The following TGFBR3 variants were observed in gnomAD, a reference collection of about 807,000 sequenced individuals.
TGFBR3 encodes transforming growth factor beta receptor type 3.
In TGFBR3, 46 loss-of-function variants were observed where a neutral mutation model predicts 87.9. The ratio of observed to expected loss-of-function variants is 0.52; its 90% CI spans 0.41 to 0.67. The LOEUF (loss-of-function observed/expected upper bound fraction) is 0.67, where lower values mean the gene tolerates loss of function less well. Ranked by LOEUF, TGFBR3 falls within the 30% of genes least tolerant of loss-of-function variation. The probability of loss-of-function intolerance (pLI) is 0.00; values close to 1 mark genes in which losing one functional copy is unlikely to be tolerated. For synonymous variants in TGFBR3, 381 were observed against 391.6 expected, an observed-to-expected ratio of 0.97 and a Z score of 0.32; for missense variants, 866 against 1,041.9, an observed-to-expected ratio of 0.83 and a Z score of 2.32.
At chr1:91,716,796 A>G in intron 10 of TGFBR3, 88 bp from the exon 11 acceptor site, 1 of 1,494,106 alleles carries the variant, frequency 6.7e-7, no homozygotes, top group Non-Finnish European at 9.3e-7. Context: ...TCATGTAATC[A>G]TTCTGATGCA....
chr1:91,775,638 C>T (rs1488500278), intron 3 of TGFBR3, among the ~76,000 whole-genome samples: 1 of 152,214 alleles, frequency 6.6e-6, no homozygotes, highest in Non-Finnish European at 1.5e-5. Flanking sequence ...GACACAAAGC[C>T]TGTTGGCATC....
chr1:91,895,977 T>G (rs2101340198), intron 2 of TGFBR3, among the ~76,000 whole-genome samples: 1 of 152,318 alleles, frequency 6.6e-6, no homozygotes, highest in South Asian at 2.1e-4. Flanking sequence ...TTTCCATTGC[T>G]GCTACAACCC....
At chr1:91,897,455 G>A (rs1679576508) in intron 2 of TGFBR3, among the ~76,000 whole-genome samples, 1 of 152,180 alleles carries the variant, frequency 6.6e-6, no homozygotes, top group South Asian at 2.1e-4. Context: ...CACAGTTCTG[G>A]TGACAGCATA....
chr1:91,844,874 A>C (rs1677412906), intron 2 of TGFBR3, among the ~76,000 whole-genome samples: 1 of 152,226 alleles, frequency 6.6e-6, no homozygotes, highest in African/African-American at 2.4e-5. Flanking sequence ...CATAGCTCTC[A>C]GATCTGTGTT....
chr1:91,787,943 G>GAAAAAAAAAAGAAAAAA (rs1553167319), intron 3 of TGFBR3, among the ~76,000 whole-genome samples: 4 of 133,312 alleles, frequency 3.0e-5, no homozygotes, highest in African/African-American at 1.2e-4. Flanking sequence ...GTCTCACGGG[G>GAAAAAAAAAAGAAAAAA]AAAAAAAAAA....
At chr1:91,746,017 A>T (rs1478753586) in intron 4 of TGFBR3, among the ~76,000 whole-genome samples, 1 of 152,234 alleles carries the variant, frequency 6.6e-6, no homozygotes, top group Non-Finnish European at 1.5e-5. Flanking sequence ...TTCTCAAAAC[A>T]TTCATGATGA....
At chr1:91,845,903 C>T (rs1168451719) in intron 2 of TGFBR3, among the ~76,000 whole-genome samples, 3 of 152,218 alleles carry the variant, frequency 2.0e-5, no homozygotes, top group African/African-American at 4.8e-5. Flanking sequence ...TGTTACACTA[C>T]AAACTAGAGT....
Position 91,898,098 on chromosome 1 carries a change from A to G in TGFBR3, c.-114+1539T>C, listed in dbSNP as rs1679590204. ...ATTAGTCACCCCTAGAAAGTACAGG[A>G]AAAAAAGAAAAAAAATTACAGATAC... On this transcript the variant is annotated intron_variant, in intron 2 of 17. Transcript: ENST00000370399. 2.6e-5 allele frequency among the ~76,000 whole-genome samples: 4 copies of G among 152,150 alleles called. No homozygotes were observed. In the East Asian group the frequency reaches 5.8e-4, roughly 22 times the overall value.
At chr1:91,857,316 T>G (rs2101172356) in intron 2 of TGFBR3, among the ~76,000 whole-genome samples, 1 of 152,068 alleles carries the variant, frequency 6.6e-6, no homozygotes. Flanking sequence ...ATAGACCTCC[T>G]GCTACATTTC....
At chr1:91,853,099 C>T (rs1393941811) in intron 2 of TGFBR3, among the ~76,000 whole-genome samples, 2 of 151,532 alleles carry the variant, frequency 1.3e-5, no homozygotes, top group East Asian at 3.9e-4. Context: ...GTCGAGGCTG[C>T]AGTGAGCCAT....
At chr1:91,743,609 T>C (rs1469956333) in intron 4 of TGFBR3, among the ~76,000 whole-genome samples, 1 of 152,218 alleles carries the variant, frequency 6.6e-6, no homozygotes, top group African/African-American at 2.4e-5. Flanking sequence ...GAAGGTTCCT[T>C]CAGAGGCTGG....
rs1336313512 is a variant in TGFBR3, at chr1:91,744,082, CTTACTT to C, written c.385-9129_385-9124del. ...CAAAGTGTCATTAATATTAATTTTA[CTTACTT>C]TTTTTTTTTTTTTTTGAGACGGAGT... On this transcript the variant is annotated intron_variant, in intron 4 of 16. Coordinates refer to ENST00000212355, the MANE Select transcript of TGFBR3 (RefSeq NM_003243.5). 5.7e-5 allele frequency among the ~76,000 whole-genome samples: 7 copies of C among 123,216 alleles called. No homozygotes were observed. The East Asian group carries it at 1.3e-3, about 23-fold the overall frequency. 80.8% of individuals were successfully genotyped at this position (123,216 alleles called of 152,430 possible).
chr1:91,842,799 A>G (rs765444191), intron 2 of TGFBR3, among the ~76,000 whole-genome samples: 3 of 152,186 alleles, frequency 2.0e-5, no homozygotes, highest in Non-Finnish European at 2.9e-5. Context: ...TATCCTCATC[A>G]AATCAAAGGA....
chr1:91,722,020 C>T lies in TGFBR3; in HGVS notation c.1010G>A (p.Ser337Asn), dbSNP rs558826985. 5.2e-5 allele frequency: 84 copies of T among 1,613,748 alleles called. No individual in the cohort carries two copies. The South Asian group carries it at 7.5e-4, about 14-fold the overall frequency. ...AGCCATTGTGTATGAAGTTATTGGA[C>T]TATAGCCATTGTCCAAAGCCCACTT... ...LVKWALDNGY[S>N]PITSYTMAPV... is the part of the protein sequence containing the mutation. Residue 337 changes from serine to asparagine, a missense_variant, in exon 8 of 17, where the codon AGT (serine) becomes AAT (asparagine). Coordinates refer to ENST00000212355, the MANE Select transcript of TGFBR3 (RefSeq NM_003243.5).
intron 4 of TGFBR3, among the ~76,000 whole-genome samples, chr1:91,750,446 G>C (rs1032882235): frequency 1.3e-5 from 2 of 152,084 alleles, no homozygotes; most frequent in African/African-American, 4.8e-5. Context: ...GGAATGACTT[G>C]TTTGAACTAG....
chr1:91,889,171 C>T (rs1176018267), upstream of TGFBR3, among the ~76,000 whole-genome samples: 1 of 152,182 alleles, frequency 6.6e-6, no homozygotes. Flanking sequence ...AGGCATGAGC[C>T]ACTGCGCCTG....
chr1:91,697,997 C>G lies in TGFBR3; in HGVS notation c.2329+92G>C. 2.4e-6 allele frequency: 3 copies of G among 1,237,020 alleles called. No individual in the cohort carries two copies. In the South Asian group the frequency reaches 3.6e-5, roughly 15 times the overall value. The allele number at this position is 1,237,020 out of a possible 1,614,324, so 76.6% of individuals were successfully genotyped here. ...GGAATGAGAGCAGAAGTCTCCTTATCAAAACTCAAAGTTTGGCAAATGTTC... is the reference window on the plus strand; with the variant it reads ...GGAATGAGAGCAGAAGTCTCCTTATGAAAACTCAAAGTTTGGCAAATGTTC... On this transcript the variant is annotated intron_variant, in intron 15 of 16. Coordinates refer to ENST00000212355, the MANE Select transcript of TGFBR3 (RefSeq NM_003243.5).
chr1:91,730,845 G>A (rs1180228825), intron 5 of TGFBR3, among the ~76,000 whole-genome samples: 1 of 152,216 alleles, frequency 6.6e-6, no homozygotes, highest in Non-Finnish European at 1.5e-5. Context: ...AGTTTATATG[G>A]CACTTTACAG....
At chr1:91,704,139 G>A (rs191792616) in intron 14 of TGFBR3, among the ~76,000 whole-genome samples, 18 of 152,072 alleles carry the variant, frequency 1.2e-4, no homozygotes, top group Admixed American at 6.5e-4. Context: ...ACCAGCCTGT[G>A]CAACATGGTG....
Sources: gnomAD v4.1 joint callset for allele counts (sites outside exome capture counted in the v4.1 genomes callset) on GRCh38, gnomAD v4.1.1 for gene constraint, MANE v1.5 for transcripts, NCBI Gene and HGNC (gene_info 2026-07-23, HGNC 2026-07-21) for gene names.